Variants in PRRC2B observed in about 807,000 individuals in gnomAD.
The protein encoded by PRRC2B is proline rich coiled-coil 2B, also known as protein PRRC2B.
A neutral mutation model predicts 242.3 loss-of-function variants in PRRC2B; 68 were observed. The ratio of observed to expected loss-of-function variants is 0.28; its 90% CI spans 0.23 to 0.34. PRRC2B has a LOEUF of 0.34. Ranked by LOEUF, PRRC2B falls within the 10% of genes least tolerant of loss-of-function variation. PRRC2B has a pLI of 1.00. For synonymous variants in PRRC2B, 1,228 were observed against 1,173.6 expected (o/e 1.05, Z -0.95); for missense variants, 2,835 against 2,954.8 (o/e 0.96, Z 0.94).
chr9:131,430,060 CT>C (rs112930686), intron 1 of PRRC2B, 33 bp from the exon 2 acceptor site: 21,796 of 459,330 alleles, frequency 0.047, 1 homozygote, highest in East Asian at 0.069. Context: ...TTTTCTCTCT[CT>C]TTTTTTTTTT....
At chr9:131,451,667 A>C (rs756277990) in intron 9 of PRRC2B, among the ~76,000 whole-genome samples, 9 of 152,114 alleles carry the variant, frequency 5.9e-5, no homozygotes, top group Non-Finnish European at 1.3e-4. Flanking sequence ...AAAATGTTTC[A>C]TGTGTCAGCA....
intron 5 of PRRC2B, among the ~76,000 whole-genome samples, chr9:131,439,697 C>A (rs1031635878): frequency 6.6e-6 from 1 of 152,184 alleles, no homozygotes; most frequent in African/African-American, 2.4e-5. Context: ...CAGTCTCCAA[C>A]GGGAAATGAC....
chr9:131,420,453 T>TTTTCTCTTTCTTTCTTTCTTTC (rs1554758581), intron 1 of PRRC2B, among the ~76,000 whole-genome samples: 2 of 61,056 alleles, frequency 3.3e-5, no homozygotes, highest in African/African-American at 1.1e-4. Context: ...TTCTTTTTCT[T>TTTTCTCTTTCTTTCTTTCTTTC]TTTCTTTCTT....
chr9:131,480,059 A>G (rs1287779552), intron 19 of PRRC2B, among the ~76,000 whole-genome samples: 1 of 152,170 alleles, frequency 6.6e-6, no homozygotes, highest in African/African-American at 2.4e-5. Flanking sequence ...GCATGCATAG[A>G]TGAATAAAAA....
chr9:131,475,323 G>T lies in PRRC2B; in HGVS notation c.3194G>T (p.Arg1065Leu). 1 of 1,594,518 alleles carries T rather than the reference G, an allele frequency of 6.3e-7. No individual in the cohort carries two copies. Among genetic ancestry groups the T allele is most frequent in the Non-Finnish European group, 8.5e-7 (1 of 1,171,414 alleles). The change falls in exon 16 of 32, where the codon CGG becomes CTG. Residue 1065 changes from arginine (R) to leucine (L), a missense_variant. Coordinates refer to ENST00000683519, the MANE Select transcript of PRRC2B (RefSeq NM_013318.4). ...GCCTTTGGGGTCAGAGGACAGGCCC[G>T]GGGCCGGGGCCGTGGTTTCAGAGAG... ...EQAFGVRGQA[R>L]GRGRGFREFT...
chr9:131,448,375 C>G (rs1838873944), intron 9 of PRRC2B, among the ~76,000 whole-genome samples: 1 of 151,390 alleles, frequency 6.6e-6, no homozygotes, highest in African/African-American at 2.4e-5. Flanking sequence ...GAAACCCTGT[C>G]TCTACTAAAA....
Position 131,500,147 on chromosome 9 carries a change from C to T in PRRC2B, c.*4273C>T, listed in dbSNP as rs1588289155. 6.6e-6 allele frequency: 1 copy of T among 152,132 alleles called. No individual in the cohort carries two copies. Among genetic ancestry groups the T allele is most frequent in the African/African-American group, 2.4e-5 (1 of 41,406 alleles). 9.4% of individuals were successfully genotyped at this position (152,132 alleles called of 1,614,324 possible). A position where few individuals can be genotyped will look rare whatever the true frequency, so the allele number is the denominator to read the frequency against. ...AAATATGTGATTGTACTAGCTCTTT[C>T]CATATGAAAGAATTCTCCTTATTTA... On this transcript the variant is annotated 3_prime_UTR_variant, in exon 32 of 32. Transcript: ENST00000683519.
chr9:131,486,737 G>T (rs1478187073), intron 26 of PRRC2B, among the ~76,000 whole-genome samples: 1 of 152,204 alleles, frequency 6.6e-6, no homozygotes, highest in Non-Finnish European at 1.5e-5. Context: ...CCAAGTGCAG[G>T]CTTGCTGATG....
At chr9:131,402,704 T>A (rs1837257237) in intron 1 of PRRC2B, among the ~76,000 whole-genome samples, 1 of 152,136 alleles carries the variant, frequency 6.6e-6, no homozygotes, top group African/African-American at 2.4e-5. Flanking sequence ...GAAGGCATTC[T>A]GGAAAATGTA....
At chr9:131,423,983 T>TGTA (rs372840548) in intron 1 of PRRC2B, among the ~76,000 whole-genome samples, 294 of 152,158 alleles carry the variant, frequency 1.9e-3, no homozygotes, top group African/African-American at 7.0e-3. Flanking sequence ...TCGCCCAGGC[T>TGTA]GTAGTGCAGT....
At chr9:131,457,179 A>G (rs1943106555) in intron 10 of PRRC2B, among the ~76,000 whole-genome samples, 1 of 152,174 alleles carries the variant, frequency 6.6e-6, no homozygotes, top group Admixed American at 6.5e-5. Flanking sequence ...AAATTCTGTA[A>G]TTTCCTTTCA....
At chr9:131,486,638 C>T (rs137900071) in intron 26 of PRRC2B, 1 of 698,932 alleles carries the variant, frequency 1.4e-6, no homozygotes, top group East Asian at 1.3e-4. Flanking sequence ...CCCTCTAATG[C>T]TGGTGCTGGG....
At position 131,478,556 on chromosome 9, in the gene PRRC2B, C is replaced by T. The variant is rs765650979; in HGVS notation, c.4695C>T (p.Val1565=). 1.2e-6 allele frequency: 2 copies of T among 1,612,766 alleles called. No individual in the cohort carries two copies. Among genetic ancestry groups the T allele is most frequent in the Non-Finnish European group, 1.7e-6 (2 of 1,179,418 alleles). The change falls in exon 18 of 32, where the codon GTC becomes GTT. Residue 1565 remains valine (V), a synonymous_variant. Transcript: ENST00000683519. ...TGGTGGGCGAAGGCTTCATCGAAGT[C>T]CTGACCAAGAAGCAGCGCCGCCTGC... ...GSMVGEGFIE[V]LTKKQRRLLE...
chr9:131,486,448 A>G, intron 26 of PRRC2B: 1 of 952,142 alleles, frequency 1.1e-6, no homozygotes, highest in Non-Finnish European at 1.3e-6. Flanking sequence ...TAGCCGGGGA[A>G]TTAGCTAAAA....
Position 131,436,698 on chromosome 9 carries a change from A to G in PRRC2B, c.372A>G (p.Lys124=). ...AGAAATCTGTCTCCAATTTGCAGAAACCGACACAGTCAATCAGTCAGGAGG... is the reference window on the plus strand; with the variant it reads ...AGAAATCTGTCTCCAATTTGCAGAAGCCGACACAGTCAATCAGTCAGGAGG... ...GLQKSVSNLQ[K]PTQSISQENT... is the part of the protein sequence containing the mutation. The change falls in exon 4 of 32, where the codon AAA becomes AAG. Residue 124 remains lysine (K), a synonymous_variant. Transcript: ENST00000683519. 1 of 1,613,992 alleles carries G rather than the reference A, an allele frequency of 6.2e-7. No individual in the cohort carries two copies. Among genetic ancestry groups the G allele is most frequent in the Non-Finnish European group, 8.5e-7 (1 of 1,179,876 alleles).
At chr9:131,486,476 A>G (rs547412555) in intron 26 of PRRC2B, 229 of 985,212 alleles carry the variant, frequency 2.3e-4, no homozygotes, top group Non-Finnish European at 2.7e-4. Context: ...TTCTTTGGTG[A>G]TCAGGTATCC....
intron 1 of PRRC2B, among the ~76,000 whole-genome samples, chr9:131,416,352 C>A (rs1037164595): frequency 6.6e-6 from 1 of 152,072 alleles, no homozygotes; most frequent in Non-Finnish European, 1.5e-5. Context: ...CATGATCTGC[C>A]GCCTCGGCCT....
At chr9:131,439,116 G>C in intron 5 of PRRC2B, 55 bp downstream of exon 5, 45 of 1,431,376 alleles carry the variant, frequency 3.1e-5, no homozygotes, top group Non-Finnish European at 4.1e-5. Context: ...GGAGGTGAAT[G>C]CCTTTTCCAG....
intron 1 of PRRC2B, among the ~76,000 whole-genome samples, chr9:131,423,614 T>G (rs1484997854): frequency 6.6e-6 from 1 of 152,248 alleles, no homozygotes; most frequent in East Asian, 1.9e-4. Flanking sequence ...ATCTCCTGAC[T>G]GCCGTAAAGC....
Sources: gnomAD v4.1 joint callset for allele counts (sites outside exome capture counted in the v4.1 genomes callset) on GRCh38, gnomAD v4.1.1 for gene constraint, MANE v1.5 for transcripts, NCBI Gene and HGNC (gene_info 2026-07-23, HGNC 2026-07-21) for gene names.